OTUD7A: variants seen among roughly 807,000 people sequenced by gnomAD.
The protein encoded by OTUD7A is OTU deubiquitinase 7A, also known as OTU domain-containing protein 7A.
A neutral mutation model predicts 65.7 loss-of-function variants in OTUD7A; 12 were observed. The ratio of observed to expected loss-of-function variants is 0.18; its 90% CI spans 0.12 to 0.30. The LOEUF (loss-of-function observed/expected upper bound fraction) is 0.30, where lower values mean the gene tolerates loss of function less well. OTUD7A is among the 10% of genes least tolerant of loss of function. The pLI is 1.00. For missense variants in OTUD7A, 1,148 were observed against 1,304.8 expected (o/e 0.88, Z 1.85); for synonymous variants, 641 against 586.3 (o/e 1.09, Z -1.35).
chr15:31,795,669 C>T (rs968684200), intron 1 of OTUD7A, among the ~76,000 whole-genome samples: 10 of 152,266 alleles, frequency 6.6e-5, no homozygotes, highest in South Asian at 2.1e-4. Context: ...CCACTCTCCC[C>T]GGCCTGCACG....
intron 5 of OTUD7A, among the ~76,000 whole-genome samples, chr15:31,551,299 T>G (rs766354442): frequency 2.6e-5 from 4 of 152,188 alleles, no homozygotes; most frequent in Non-Finnish European, 5.9e-5. Context: ...AGGAGTGCGA[T>G]TGGGAACATG....
intron 1 of OTUD7A, among the ~76,000 whole-genome samples, chr15:31,698,469 T>A (rs1238753368): frequency 6.6e-6 from 1 of 152,208 alleles, no homozygotes; most frequent in Non-Finnish European, 1.5e-5. Context: ...ATCAGCATTG[T>A]TGGAGATTTG....
At chr15:31,577,661 G>C (rs1043080372) in intron 3 of OTUD7A, among the ~76,000 whole-genome samples, 1 of 151,956 alleles carries the variant, frequency 6.6e-6, no homozygotes, top group Non-Finnish European at 1.5e-5. Context: ...ATGGTCATTC[G>C]TACTGGCTCA....
At chr15:31,508,541 A>T (rs2041619572) in intron 8 of OTUD7A, among the ~76,000 whole-genome samples, 1 of 152,158 alleles carries the variant, frequency 6.6e-6, no homozygotes, top group Non-Finnish European at 1.5e-5. Flanking sequence ...TTTAGTAGAG[A>T]CGGGGTTTCA....
intron 3 of OTUD7A, among the ~76,000 whole-genome samples, chr15:31,610,615 A>ATTTTTTTTT (rs1336235314): frequency 8.2e-4 from 27 of 32,816 alleles, no homozygotes; most frequent in Admixed American, 1.1e-3. Flanking sequence ...ATATATATAT[A>ATTTTTTTTT]TATTTTTTTT....
At chr15:31,845,900 G>T (rs1317400459) in intron 1 of OTUD7A, among the ~76,000 whole-genome samples, 3 of 152,222 alleles carry the variant, frequency 2.0e-5, no homozygotes, top group African/African-American at 7.2e-5. Flanking sequence ...GACTCTACGG[G>T]ACACCATGCA....
At chr15:31,600,745 A>T (rs2141210201) in intron 3 of OTUD7A, among the ~76,000 whole-genome samples, 1 of 152,360 alleles carries the variant, frequency 6.6e-6, no homozygotes, top group African/African-American at 2.4e-5. Flanking sequence ...ACACAGACTC[A>T]AAATAAAGGG....
At chr15:31,713,011 T>C (rs1053534523) in intron 1 of OTUD7A, among the ~76,000 whole-genome samples, 5 of 152,236 alleles carry the variant, frequency 3.3e-5, no homozygotes, top group Non-Finnish European at 7.3e-5. Context: ...TACACTTCCA[T>C]ATTGCTGTCA....
chr15:31,790,700 C>T (rs1895790688), intron 1 of OTUD7A, among the ~76,000 whole-genome samples: 2 of 152,180 alleles, frequency 1.3e-5, no homozygotes, highest in South Asian at 4.1e-4. Flanking sequence ...ATGGAAACAA[C>T]TCAGAAAATG....
intron 1 of OTUD7A, among the ~76,000 whole-genome samples, chr15:31,740,377 C>G (rs1894308057): frequency 6.6e-6 from 1 of 150,612 alleles, no homozygotes; most frequent in Non-Finnish European, 1.5e-5. Flanking sequence ...CTGCCTCATG[C>G]TAGAGCTCAC....
At chr15:31,698,381 T>G (rs977394340) in intron 1 of OTUD7A, among the ~76,000 whole-genome samples, 4 of 150,288 alleles carry the variant, frequency 2.7e-5, no homozygotes, top group African/African-American at 1.0e-4. Flanking sequence ...CCAGCTCTTC[T>G]CCTTCCAGTT....
At chr15:31,804,836 T>C (rs1205073267) in intron 1 of OTUD7A, among the ~76,000 whole-genome samples, 1 of 152,248 alleles carries the variant, frequency 6.6e-6, no homozygotes, top group East Asian at 1.9e-4. Context: ...CCTGTGTTTA[T>C]ATAGACCACT....
intron 3 of OTUD7A, among the ~76,000 whole-genome samples, chr15:31,626,369 G>A (rs752908955): frequency 8.5e-5 from 13 of 152,066 alleles, no homozygotes; most frequent in African/African-American, 1.4e-4. Flanking sequence ...AAGAAAGTAG[G>A]GTAAAATGTT....
chr15:31,763,286 A>G (rs1895019261), intron 1 of OTUD7A, among the ~76,000 whole-genome samples: 1 of 151,964 alleles, frequency 6.6e-6, no homozygotes, highest in Admixed American at 6.6e-5. Context: ...CCATCTCAAC[A>G]ACAACAACAA....
At chr15:31,657,142 T>C (rs903624937) in intron 1 of OTUD7A, 65 bp from the exon 2 acceptor site, 1 of 152,680 alleles carries the variant, frequency 6.5e-6, no homozygotes, top group Non-Finnish European at 1.5e-5. Flanking sequence ...GCCGAAGGCT[T>C]GGCTTTTTGT....
At chr15:31,517,593 A>G (rs1460783532) in intron 8 of OTUD7A, among the ~76,000 whole-genome samples, 1 of 152,216 alleles carries the variant, frequency 6.6e-6, no homozygotes, top group Non-Finnish European at 1.5e-5. Flanking sequence ...TGTCCTGAGA[A>G]CTTCCTAACA....
At chr15:31,573,624 G>C (rs1185663954) in intron 3 of OTUD7A, among the ~76,000 whole-genome samples, 10 of 152,244 alleles carry the variant, frequency 6.6e-5, no homozygotes, top group African/African-American at 2.2e-4. Context: ...GATCAGGCCA[G>C]GTGCAGTGTT....
At chr15:31,866,612 G>C (rs1897882500) in intron 1 of OTUD7A, among the ~76,000 whole-genome samples, 1 of 152,060 alleles carries the variant, frequency 6.6e-6, no homozygotes, top group South Asian at 2.1e-4. Flanking sequence ...CTACCAATAG[G>C]CAAATAAAAT....
chr15:31,783,943 C>T (rs1157617453), intron 1 of OTUD7A, among the ~76,000 whole-genome samples: 1 of 152,162 alleles, frequency 6.6e-6, no homozygotes, highest in Non-Finnish European at 1.5e-5. Flanking sequence ...CTTCTTGTAT[C>T]TACTACTGTG....
Sources: allele counts gnomAD v4.1 joint callset (sites outside exome capture counted in the v4.1 genomes callset), GRCh38; gene constraint gnomAD v4.1.1; transcripts MANE v1.5; gene names NCBI Gene and HGNC (gene_info 2026-07-23, HGNC 2026-07-21).